The following IQSEC3 variants were observed in gnomAD, a reference collection of about 807,000 sequenced individuals.
IQSEC3 encodes IQ motif and Sec7 domain ArfGEF 3.
IQSEC3 carries 50 observed loss-of-function variants against 105.4 expected under a neutral mutation model. The observed-to-expected ratio is 0.47, with a 90% CI of 0.38 to 0.60. IQSEC3 has a LOEUF of 0.60. Ranked by LOEUF, IQSEC3 falls within the 20% of genes least tolerant of loss-of-function variation. The pLI is 0.00. For missense variants in IQSEC3, 1,415 were observed against 1,630.0 expected, an observed-to-expected ratio of 0.87 and a Z score of 2.27; for synonymous variants, 708 against 746.0, an observed-to-expected ratio of 0.95 and a Z score of 0.83.
intron 7 of IQSEC3, 92 bp from the exon 8 acceptor site, chr12:161,834 A>C: frequency 1.5e-6 from 2 of 1,351,546 alleles, no homozygotes; most frequent in Non-Finnish European, 2.0e-6. Context: ...CGGGAGCTCC[A>C]GGCTGGATGG....
chr12:138,624 A>G lies in IQSEC3; in HGVS notation c.1261A>G (p.Ser421Gly). The change falls in exon 4 of 14, where the codon AGC becomes GGC. Residue 421 changes from serine to glycine, a missense_variant. By Grantham distance (56) the Ser-to-Gly change is moderately conservative. Coordinates refer to ENST00000538872, the MANE Select transcript of IQSEC3 (RefSeq NM_001170738.2). The surrounding 1 kb of genome is among the most constrained non-coding windows in gnomAD (Gnocchi z 7.1). Reference protein sequence around the residue: ...KSIDDALSTWSLKTMCSLRES... With the variant: ...KSIDDALSTWGLKTMCSLRES... ...CATCGACGACGCGCTCAGCACGTGG[A>G]GCCTCAAGACCATGTGCTCCCTGCG... 1 of 1,587,326 alleles carries G rather than the reference A, an allele frequency of 6.3e-7. No individual in the cohort carries two copies. Among genetic ancestry groups the G allele is most frequent in the Non-Finnish European group, 8.5e-7 (1 of 1,174,476 alleles).
intron 2 of IQSEC3, among the ~76,000 whole-genome samples, chr12:119,953 G>C (rs1451455527): frequency 6.6e-6 from 1 of 152,194 alleles, no homozygotes; most frequent in Non-Finnish European, 1.5e-5. Context: ...ACATCACCAA[G>C]CCCAGCCCAG....
At chr12:165,569 G>T in intron 10 of IQSEC3, 36 bp downstream of exon 10, 1 of 1,545,516 alleles carries the variant, frequency 6.5e-7, no homozygotes, top group African/African-American at 1.4e-5. Context: ...TCTTTGAGAA[G>T]GAATGAATGG....
chr12:126,657 C>A (rs1025826016), intron 3 of IQSEC3, among the ~76,000 whole-genome samples: 1 of 152,208 alleles, frequency 6.6e-6, no homozygotes, highest in Non-Finnish European at 1.5e-5. Flanking sequence ...CCAGTCCTCG[C>A]TCTTCCTCCT....
At chr12:112,954 C>G (rs1565404861) in intron 2 of IQSEC3, among the ~76,000 whole-genome samples, 1 of 151,850 alleles carries the variant, frequency 6.6e-6, no homozygotes. Context: ...TGAAACAAGG[C>G]AGTTTCAAAA....
chr12:102,526 A>T (rs1426533346), intron 2 of IQSEC3, among the ~76,000 whole-genome samples: 1 of 152,176 alleles, frequency 6.6e-6, no homozygotes. Context: ...CTGATCAGAG[A>T]TGTGGAGATG....
At chr12:126,697 T>C (rs1193646603) in intron 3 of IQSEC3, among the ~76,000 whole-genome samples, 1 of 152,178 alleles carries the variant, frequency 6.6e-6, no homozygotes, top group African/African-American at 2.4e-5. Context: ...GAGTTGCCAG[T>C]TAAACCCTCT....
intron 4 of IQSEC3, 33 bp downstream of exon 4, chr12:139,387 T>A (rs1684187112): frequency 6.7e-7 from 1 of 1,484,218 alleles, no homozygotes; most frequent in Non-Finnish European, 9.1e-7. Flanking sequence ...CCCGGAGTCC[T>A]GGGCGTCCTG....
chr12:107,576 A>AT (rs1296923131), intron 2 of IQSEC3, among the ~76,000 whole-genome samples: 3 of 150,878 alleles, frequency 2.0e-5, no homozygotes, highest in Non-Finnish European at 3.0e-5. Flanking sequence ...TGCCCGGCTA[A>AT]TTTTTTTGTA....
At chr12:168,236 A>C (rs1413378126) in intron 11 of IQSEC3, among the ~76,000 whole-genome samples, 1 of 152,238 alleles carries the variant, frequency 6.6e-6, no homozygotes, top group Non-Finnish European at 1.5e-5. Context: ...AAGAACAAGA[A>C]GGAACAGGTT....
intron 7 of IQSEC3, among the ~76,000 whole-genome samples, chr12:160,513 T>A (rs1183562247): frequency 2.0e-5 from 3 of 152,186 alleles, no homozygotes; most frequent in African/African-American, 7.2e-5. Context: ...TGAGGGTTAA[T>A]ATATAGGTTA....
intron 2 of IQSEC3, among the ~76,000 whole-genome samples, chr12:110,207 A>G (rs781824965): frequency 4.6e-5 from 7 of 152,012 alleles, no homozygotes; most frequent in Non-Finnish European, 1.0e-4. Context: ...TCTTCTTACA[A>G]AAACCTTCTG....
intron 4 of IQSEC3, 53 bp downstream of exon 4, chr12:139,407 G>A: frequency 7.0e-7 from 1 of 1,423,910 alleles, no homozygotes; most frequent in East Asian, 2.5e-5. Context: ...GGGAGGGAGG[G>A]AAGGAGGAGG....
At chr12:154,503 G>A (rs781897065) in intron 5 of IQSEC3, among the ~76,000 whole-genome samples, 38 of 152,284 alleles carry the variant, frequency 2.5e-4, no homozygotes, top group Non-Finnish European at 4.9e-4. Context: ...TGGGGTGCAC[G>A]ACAGATGGGG....
At chr12:131,427 G>A (rs537585113) in intron 3 of IQSEC3, among the ~76,000 whole-genome samples, 89 of 152,292 alleles carry the variant, frequency 5.8e-4, no homozygotes, top group Non-Finnish European at 9.1e-4. Flanking sequence ...TGGGGTAGAC[G>A]GGAGGGCCTC....
At chr12:159,196 G>C (rs1377066624) in intron 7 of IQSEC3, among the ~76,000 whole-genome samples, 5 of 152,256 alleles carry the variant, frequency 3.3e-5, no homozygotes, top group Middle Eastern at 3.4e-3. Flanking sequence ...AACTCTCTGA[G>C]GACCTCCCCT....
chr12:89,609 A>C (rs1246597795), intron 1 of IQSEC3, among the ~76,000 whole-genome samples: 1 of 148,446 alleles, frequency 6.7e-6, no homozygotes, highest in East Asian at 1.9e-4. Flanking sequence ...CTTACAGTTC[A>C]TCCCTTCCTT....
intron 10 of IQSEC3, 38 bp from the exon 11 acceptor site, chr12:165,691 G>T (rs1351979102): frequency 1.2e-6 from 2 of 1,608,654 alleles, no homozygotes; most frequent in African/African-American, 2.7e-5. Context: ...GGCTGCTGCT[G>T]CTCACAGCCC....
intron 2 of IQSEC3, among the ~76,000 whole-genome samples, chr12:113,529 C>T (rs1864959909): frequency 6.6e-6 from 1 of 152,218 alleles, no homozygotes; most frequent in South Asian, 2.1e-4. Context: ...TGCCACACGG[C>T]CTGGTGGGAT....
Sources: allele counts gnomAD v4.1 joint callset (sites outside exome capture counted in the v4.1 genomes callset), GRCh38; gene constraint gnomAD v4.1.1; non-coding constraint Gnocchi (gnomAD v3.1); transcripts MANE v1.5; gene names NCBI Gene and HGNC (gene_info 2026-07-23, HGNC 2026-07-21).